NUP37: variants seen among roughly 807,000 people sequenced by gnomAD.
The protein encoded by NUP37 is nucleoporin 37, also known as nucleoporin Nup37.
Under a neutral mutation model 45.4 loss-of-function variants are expected in NUP37, and 33 were observed. The ratio of observed to expected loss-of-function variants is 0.73; its 90% CI spans 0.55 to 0.97. The LOEUF (loss-of-function observed/expected upper bound fraction) is 0.97, where lower values mean the gene tolerates loss of function less well. Ranked by LOEUF, NUP37 falls within the 50% of genes least tolerant of loss-of-function variation. The pLI is 0.00. For missense variants in NUP37, 365 were observed against 389.7 expected, an observed-to-expected ratio of 0.94 and a Z score of 0.53; for synonymous variants, 127 against 130.7, an observed-to-expected ratio of 0.97 and a Z score of 0.19.
intron 3 of NUP37, among the ~76,000 whole-genome samples, chr12:102,110,740 G>A (rs1180659073): frequency 6.6e-6 from 1 of 152,134 alleles, no homozygotes; most frequent in Non-Finnish European, 1.5e-5. Context: ...TACTCAGGAG[G>A]AGGCTGAGGT....
chr12:102,080,757 T>A (rs573728738), intron 6 of NUP37, among the ~76,000 whole-genome samples: 1 of 152,322 alleles, frequency 6.6e-6, no homozygotes, highest in Admixed American at 6.5e-5. Flanking sequence ...GCTACAAGGC[T>A]AGGCTGCTGA....
chr12:102,095,668 T>G (rs1236653375), intron 5 of NUP37, among the ~76,000 whole-genome samples: 1 of 152,156 alleles, frequency 6.6e-6, no homozygotes, highest in Non-Finnish European at 1.5e-5. Flanking sequence ...CTTGTCATAC[T>G]TTTCATACAG....
chr12:102,090,179 A>T (rs1316878335), intron 5 of NUP37, among the ~76,000 whole-genome samples: 3 of 152,152 alleles, frequency 2.0e-5, no homozygotes, highest in Non-Finnish European at 4.4e-5. Context: ...ATTTATATGA[A>T]TGGTAATAGG....
chr12:102,114,223 T>C (rs538348863), intron 2 of NUP37, among the ~76,000 whole-genome samples: 1 of 152,344 alleles, frequency 6.6e-6, no homozygotes, highest in African/African-American at 2.4e-5. Flanking sequence ...ATCAGTCTCC[T>C]AAAAATGAAG....
At chr12:102,088,179 A>C (rs1298593391) in intron 5 of NUP37, among the ~76,000 whole-genome samples, 1 of 152,230 alleles carries the variant, frequency 6.6e-6, no homozygotes, top group South Asian at 2.1e-4. Flanking sequence ...AATTAGCTAC[A>C]GATGGCACAA....
At chr12:102,092,349 A>G (rs1879678764) in intron 5 of NUP37, among the ~76,000 whole-genome samples, 1 of 152,184 alleles carries the variant, frequency 6.6e-6, no homozygotes, top group Non-Finnish European at 1.5e-5. Flanking sequence ...CTGTGTATTG[A>G]TTAATTAAGT....
Position 102,077,375 on chromosome 12 carries a change from T to C in NUP37, c.669A>G (p.Lys223=). The change falls in exon 7 of 10, where the codon AAA becomes AAG. Residue 223 remains lysine (K), a synonymous_variant. Transcript: ENST00000552283. ...AATCATTTCCTGCAACGGCTCCAAC[T>C]TTGAAGGTGTTTTTTAAGCACCAGT... ...SAHWCLKNTF[K]VGAVAGNDWL... is the part of the protein sequence containing the mutation. 1 of 1,614,124 alleles carries C rather than the reference T, an allele frequency of 6.2e-7. No individual in the cohort carries two copies. Among genetic ancestry groups the C allele is most frequent in the Non-Finnish European group, 8.5e-7 (1 of 1,180,002 alleles).
At chr12:102,117,581 A>G (rs1880501355) in intron 2 of NUP37, among the ~76,000 whole-genome samples, 1 of 152,222 alleles carries the variant, frequency 6.6e-6, no homozygotes, top group Admixed American at 6.5e-5. Context: ...GTTTATGTTC[A>G]CCACAAAGCA....
chr12:102,077,740 C>A (rs1405169551), intron 6 of NUP37, among the ~76,000 whole-genome samples: 1 of 151,910 alleles, frequency 6.6e-6, no homozygotes, highest in Non-Finnish European at 1.5e-5. Flanking sequence ...GTTTCATGCA[C>A]AAAATTATTA....
chr12:102,107,498 C>A (rs907934527), intron 3 of NUP37, among the ~76,000 whole-genome samples: 18 of 152,152 alleles, frequency 1.2e-4, no homozygotes, highest in African/African-American at 2.9e-4. Flanking sequence ...AAATACGTGT[C>A]GGCTGTTGGG....
chr12:102,094,834 A>G (rs1407705053), intron 5 of NUP37, among the ~76,000 whole-genome samples: 1 of 152,112 alleles, frequency 6.6e-6, no homozygotes, highest in East Asian at 1.9e-4. Context: ...TTTTATAGAG[A>G]AAGTGAATGG....
chr12:102,088,312 T>A (rs1005812332), intron 5 of NUP37, among the ~76,000 whole-genome samples: 7 of 152,220 alleles, frequency 4.6e-5, no homozygotes, highest in Non-Finnish European at 1.0e-4. Context: ...TGGTTAATAT[T>A]ACTTACATGA....
intron 6 of NUP37, among the ~76,000 whole-genome samples, chr12:102,082,502 A>G (rs1449341884): frequency 6.6e-6 from 1 of 152,176 alleles, no homozygotes; most frequent in Non-Finnish European, 1.5e-5. Flanking sequence ...AAATTGACTG[A>G]GTGCTTACTA....
chr12:102,076,798 T>C lies in NUP37; in HGVS notation c.772A>G (p.Arg258Gly). The C allele has an allele frequency of 6.2e-7, 1 of 1,613,002 alleles. No individual in the cohort carries two copies. The change falls in exon 8 of 10, where the codon AGG becomes GGG. Residue 258 changes from arginine to glycine, a missense_variant and splice_region_variant. By Grantham distance (125) the Arg-to-Gly change is moderately radical (BLOSUM62 -2). Transcript: ENST00000552283. ...GCTCCAACAAAAACGGTACATTACC[T>C]GAATAAGCAGGCTCGATCCATGTGA... ...PVHMDRACLFRWSTISENLFA... is the reference protein window; with the variant it reads ...PVHMDRACLFGWSTISENLFA...
intron 1 of NUP37, chr12:102,119,505 A>G (rs1880664678): frequency 6.6e-6 from 1 of 152,218 alleles, no homozygotes; most frequent in Non-Finnish European, 1.5e-5. Flanking sequence ...CATGAGAATT[A>G]TGGGTTTTAG....
rs1879106297 is a variant in NUP37 at position 102,074,274 on chromosome 12, T to C, written c.*80A>G. On this transcript the variant is annotated 3_prime_UTR_variant, in exon 10 of 10. Transcript: ENST00000552283. ...TACGGTATATTTGATATAAAAATTCTTCAAAATATGTACTATAGAAATTCT... is the reference window on the plus strand; with the variant it reads ...TACGGTATATTTGATATAAAAATTCCTCAAAATATGTACTATAGAAATTCT... 2.6e-6 allele frequency: 2 copies of C among 776,794 alleles called. No individual in the cohort carries two copies. Among genetic ancestry groups the C allele is most frequent in the South Asian group, 3.7e-5 (2 of 53,876 alleles). 48.1% of individuals were successfully genotyped at this position (776,794 alleles called of 1,614,324 possible).
intron 2 of NUP37, 115 bp downstream of exon 2, chr12:102,118,246 CTT>C (rs879032962): frequency 5.3e-4 from 427 of 811,732 alleles, no homozygotes; most frequent in South Asian, 6.2e-4. Flanking sequence ...TGGATCTTAT[CTT>C]TTTTTTTTTT....
At position 102,076,819 on chromosome 12, in the gene NUP37, T is replaced by C. The variant is rs750602108; in HGVS notation, c.751A>G (p.Met251Val). 1.2e-6 allele frequency: 2 copies of C among 1,613,554 alleles called. No homozygotes were observed. Among genetic ancestry groups the C allele is most frequent in the East Asian group, 2.2e-5 (1 of 44,856 alleles). The change falls in exon 8 of 10, where the codon ATG becomes GTG. Residue 251 changes from methionine to valine, a missense_variant. Transcript: ENST00000552283. ...TACCTGAATAAGCAGGCTCGATCCA[T>C]GTGAACAGGTCTCTTATTTTGAGGA... Reference protein sequence around the residue: ...SYPQNKRPVHMDRACLFRWST... With the variant: ...SYPQNKRPVHVDRACLFRWST...
intron 6 of NUP37, among the ~76,000 whole-genome samples, chr12:102,079,511 A>T (rs1175007565): frequency 6.6e-6 from 1 of 152,178 alleles, no homozygotes; most frequent in Non-Finnish European, 1.5e-5. Flanking sequence ...TTGATGACTG[A>T]TCAATACGTA....
Sources: allele counts gnomAD v4.1 joint callset (sites outside exome capture counted in the v4.1 genomes callset), GRCh38; gene constraint gnomAD v4.1.1; transcripts MANE v1.5; gene names NCBI Gene and HGNC (gene_info 2026-07-23, HGNC 2026-07-21).